The following PXYLP1 variants were observed in gnomAD, a reference collection of about 807,000 sequenced individuals.
The protein encoded by PXYLP1 is 2-phosphoxylose phosphatase 1.
In PXYLP1, 17 loss-of-function variants were observed where a neutral mutation model predicts 37.9. That is an observed-to-expected ratio of 0.45 (90% confidence interval 0.31 to 0.67). The LOEUF (loss-of-function observed/expected upper bound fraction) is 0.67, where lower values mean the gene tolerates loss of function less well. PXYLP1 is among the 30% of genes least tolerant of loss of function. The pLI is 0.07. For missense variants in PXYLP1, 511 were observed against 612.0 expected, an observed-to-expected ratio of 0.84 and a Z score of 1.74; for synonymous variants, 221 against 232.2, an observed-to-expected ratio of 0.95 and a Z score of 0.44.
intron 4 of PXYLP1, among the ~76,000 whole-genome samples, chr3:141,282,241 G>C (rs72984505): frequency 0.13 from 20,065 of 152,094 alleles, 1,708 homozygotes; most frequent in African/African-American, 0.24. Context: ...GGCACTGTAT[G>C]CTGCCTCAGG....
At chr3:141,290,839 TTG>T (rs556947868) in intron 5 of PXYLP1, among the ~76,000 whole-genome samples, 231 of 152,300 alleles carry the variant, frequency 1.5e-3, no homozygotes, top group Non-Finnish European at 2.4e-3. Flanking sequence ...CATTGGGTTT[TTG>T]TGAGGATTAA....
chr3:141,236,585 G>C (rs1363175113), intron 1 of PXYLP1, among the ~76,000 whole-genome samples: 7 of 152,106 alleles, frequency 4.6e-5, no homozygotes, highest in Admixed American at 4.6e-4. Flanking sequence ...CTCATTCTTG[G>C]ATCTAACACC....
chr3:141,276,531 G>A (rs985378672), intron 2 of PXYLP1, among the ~76,000 whole-genome samples: 1 of 152,052 alleles, frequency 6.6e-6, no homozygotes, highest in African/African-American at 2.4e-5. Flanking sequence ...CCACAGTAGG[G>A]ACATAACGTT....
At chr3:141,284,424 A>G (rs1473978158) in intron 4 of PXYLP1, among the ~76,000 whole-genome samples, 1 of 152,216 alleles carries the variant, frequency 6.6e-6, no homozygotes, top group Non-Finnish European at 1.5e-5. Context: ...GCTTTACCTC[A>G]TTTCAGGACC....
Position 141,292,953 on chromosome 3 carries a change from A to G in PXYLP1, c.1191A>G (p.Pro397=). The change falls in exon 6 of 6, where the codon CCA becomes CCG. Residue 397 remains proline, a synonymous_variant. Coordinates refer to ENST00000286353, the MANE Select transcript of PXYLP1 (RefSeq NM_001037172.3). This position sits in a 1 kb window ranked among gnomAD's most constrained non-coding sequence, Gnocchi z 4.3. ...TGGGCCTTTCAGAAGCCAGGTTCCC[A>G]AGGTTTGCAGCCAGGTTGATCTTTG... is the stretch of plus-strand genomic sequence containing the variant. ...SALGLSEARF[P]RFAARLIFEL... is the part of the protein sequence containing the mutation. 1.2e-6 allele frequency: 2 copies of G among 1,614,182 alleles called. No individual in the cohort carries two copies. Among genetic ancestry groups the G allele is most frequent in the Non-Finnish European group, 8.5e-7 (1 of 1,180,030 alleles).
intron 4 of PXYLP1, among the ~76,000 whole-genome samples, chr3:141,281,153 A>G (rs1235779063): frequency 6.6e-6 from 1 of 152,246 alleles, no homozygotes; most frequent in East Asian, 1.9e-4. Context: ...CACTTTGATC[A>G]GCATTTATTG....
At chr3:141,254,775 A>G (rs772270906) in intron 1 of PXYLP1, among the ~76,000 whole-genome samples, 5 of 152,232 alleles carry the variant, frequency 3.3e-5, no homozygotes, top group Non-Finnish European at 7.3e-5. Context: ...AAAAAAATCA[A>G]CGTGTAGAAT....
chr3:141,248,835 G>A (rs1422866356), intron 1 of PXYLP1, among the ~76,000 whole-genome samples: 1 of 116,526 alleles, frequency 8.6e-6, no homozygotes, highest in African/African-American at 3.0e-5. Context: ...ATACACACAC[G>A]TGTATATATA....
At position 141,241,074 on chromosome 3, in the gene PXYLP1, C is replaced by A. The variant is rs550189039; in HGVS notation, c.-54+9163C>A. ...AAAGCTTCTCTTCCTCTCCAGCCCCCACCCCAACCCACATCTGGAGGGGAG... is the reference window on the plus strand; with the variant it reads ...AAAGCTTCTCTTCCTCTCCAGCCCCAACCCCAACCCACATCTGGAGGGGAG... On this transcript the variant is annotated intron_variant, in intron 1 of 5. Coordinates refer to ENST00000286353, the MANE Select transcript of PXYLP1 (RefSeq NM_001037172.3). Among the ~76,000 whole-genome samples, 29 of 152,342 alleles carry A rather than the reference C, an allele frequency of 1.9e-4. 2 individuals are homozygous for A. The highest frequency in any genetic ancestry group is 6.3e-4 in the African/African-American group (26 of 41,572).
At chr3:141,263,595 G>A (rs1040403460) in intron 2 of PXYLP1, among the ~76,000 whole-genome samples, 2 of 152,142 alleles carry the variant, frequency 1.3e-5, no homozygotes, top group African/African-American at 4.8e-5. Context: ...CACTTTTTGT[G>A]CTCATTTGTA....
At chr3:141,262,502 G>T (rs1310386617) in intron 2 of PXYLP1, 2 of 740,404 alleles carry the variant, frequency 2.7e-6, no homozygotes, top group Admixed American at 7.8e-5. Flanking sequence ...CATTTCTCTT[G>T]CATGAGCTGG....
intron 1 of PXYLP1, among the ~76,000 whole-genome samples, chr3:141,246,801 G>A (rs1043696288): frequency 2.6e-5 from 4 of 152,206 alleles, no homozygotes; most frequent in East Asian, 1.9e-4. Flanking sequence ...TAAAACAGCC[G>A]TCATTTTACA....
intron 1 of PXYLP1, 94 bp from the exon 2 acceptor site, chr3:141,260,029 G>T: frequency 1.2e-6 from 1 of 858,462 alleles, no homozygotes. Flanking sequence ...GGGCTAATCA[G>T]ATTATTATCA....
intron 1 of PXYLP1, among the ~76,000 whole-genome samples, chr3:141,246,988 A>G (rs1305940897): frequency 6.6e-6 from 1 of 152,244 alleles, no homozygotes; most frequent in Non-Finnish European, 1.5e-5. Flanking sequence ...AAGGCAGTCC[A>G]GTGGCGTTAT....
At chr3:141,247,395 T>G (rs1382449012) in intron 1 of PXYLP1, among the ~76,000 whole-genome samples, 1 of 152,234 alleles carries the variant, frequency 6.6e-6, no homozygotes, top group African/African-American at 2.4e-5. Context: ...TTAAAATTAA[T>G]CTGTTAGAAT....
chr3:141,293,439 A>G lies in PXYLP1; in HGVS notation c.*234A>G, dbSNP rs1021679474. Reference sequence around the variant, plus strand: ...ACAGAGGAATAGAAGGTACTTTATCATAGCCAGACTTCGCTTAGAATGCCA... The same window carrying G: ...ACAGAGGAATAGAAGGTACTTTATCGTAGCCAGACTTCGCTTAGAATGCCA... On this transcript the variant is annotated 3_prime_UTR_variant, in exon 6 of 6. Transcript: ENST00000286353. 3.7e-6 allele frequency: 2 copies of G among 535,764 alleles called. No homozygotes were observed. Among genetic ancestry groups the G allele is most frequent in the African/African-American group, 3.8e-5 (2 of 52,906 alleles). The allele number at this position is 535,764 out of a possible 1,614,324, so 33.2% of individuals were successfully genotyped here.
chr3:141,282,216 T>C (rs1016349105), intron 4 of PXYLP1, among the ~76,000 whole-genome samples: 1 of 152,154 alleles, frequency 6.6e-6, no homozygotes, highest in Non-Finnish European at 1.5e-5. Flanking sequence ...CTCCTAGCTC[T>C]TCCTTCCACA....
At chr3:141,287,509 A>T (rs895323305) in intron 5 of PXYLP1, 56 bp downstream of exon 5, 199 of 1,584,678 alleles carry the variant, frequency 1.3e-4, no homozygotes, top group Non-Finnish European at 1.3e-4. Flanking sequence ...CTGCTTGCAT[A>T]CCTTCCGAGC....
At chr3:141,249,622 G>C (rs1366039846) in intron 1 of PXYLP1, among the ~76,000 whole-genome samples, 3 of 151,990 alleles carry the variant, frequency 2.0e-5, no homozygotes, top group Non-Finnish European at 1.5e-5. Context: ...GACACACTTT[G>C]CTTGCAAAAT....
Sources: allele counts gnomAD v4.1 joint callset (sites outside exome capture counted in the v4.1 genomes callset), GRCh38; gene constraint gnomAD v4.1.1; non-coding constraint Gnocchi (gnomAD v3.1); transcripts MANE v1.5; gene names NCBI Gene and HGNC (gene_info 2026-07-23, HGNC 2026-07-21).